Variants in NLGN4X observed in about 807,000 individuals in gnomAD.
NLGN4X encodes the protein neuroligin-4, X-linked.
A neutral mutation model predicts 40.3 loss-of-function variants in NLGN4X; 3 were observed. The ratio of observed to expected loss-of-function variants is 0.07; its 90% CI spans 0.03 to 0.19. The LOEUF is 0.19. Among genes scored for constraint, NLGN4X ranks in the 10% least tolerant of loss-of-function variants. The pLI is 1.00. For missense variants in NLGN4X, 382 were observed against 708.3 expected (o/e 0.54, Z 5.23); for synonymous variants, 270 against 306.8 (o/e 0.88, Z 1.25).
At chrX:6,102,716 T>C (rs916433596) in intron 2 of NLGN4X, among the ~76,000 whole-genome samples, 2 of 110,479 alleles carry the variant, frequency 1.8e-5, no homozygotes, top group Admixed American at 1.9e-4. Flanking sequence ...TAGATACATA[T>C]AGATAAGATA....
Position 5,908,719 on chromosome X carries a change from G to C in NLGN4X, c.811+335C>G, listed in dbSNP as rs141400560. Reference sequence around the variant, plus strand: ...AGTCCTGGAGTTTGAGACCAGCCCAGGCAAACATAGCAAGACCACTTCTCT... The same window carrying C: ...AGTCCTGGAGTTTGAGACCAGCCCACGCAAACATAGCAAGACCACTTCTCT... On this transcript the variant is annotated intron_variant, in intron 4 of 5. Transcript: ENST00000381095. Among the ~76,000 whole-genome samples, 129 of 111,502 alleles carry C rather than the reference G, an allele frequency of 1.2e-3. 1 individual carries two copies. The highest frequency in any genetic ancestry group is 4.6e-3 in the Middle Eastern group (1 of 216).
intron 3 of NLGN4X, among the ~76,000 whole-genome samples, chrX:5,957,204 G>A (rs1202072722): frequency 9.0e-6 from 1 of 111,578 alleles, no homozygotes; most frequent in African/African-American, 3.3e-5. Flanking sequence ...AGAATAACCT[G>A]CATTACGTGC....
At chrX:6,182,910 T>C (rs1176945038) in intron 1 of NLGN4X, among the ~76,000 whole-genome samples, 2 of 111,984 alleles carry the variant, frequency 1.8e-5, no homozygotes, top group African/African-American at 3.3e-5. Context: ...ACCATTAAGT[T>C]TGTGATTATG....
intron 3 of NLGN4X, among the ~76,000 whole-genome samples, chrX:5,932,868 C>T (rs1329497844): frequency 9.0e-6 from 1 of 110,873 alleles, no homozygotes; most frequent in African/African-American, 3.3e-5. Flanking sequence ...ACAAAAAGAA[C>T]AAAAACCTTA....
intron 1 of NLGN4X, among the ~76,000 whole-genome samples, chrX:6,220,015 T>A (rs745422992): frequency 9.0e-6 from 1 of 111,491 alleles, no homozygotes; most frequent in Non-Finnish European, 1.9e-5. Flanking sequence ...TGAGCTTTTT[T>A]TTTTTTTATG....
At position 5,893,178 on chromosome X, in the gene NLGN4X, T is replaced by C. The variant is rs2031288638; in HGVS notation, c.2090A>G (p.Tyr697Cys). The change falls in exon 6 of 6, where the codon TAC (tyrosine) becomes TGC (cysteine). Residue 697 changes from tyrosine (Y) to cysteine (C), a missense_variant. By Grantham distance (194) the Tyr-to-Cys change is radical. This residue lies in a region of NLGN4X where 149 missense variants were observed against 375.8 expected (regional missense o/e 0.40). Coordinates refer to ENST00000381095, the MANE Select transcript of NLGN4X (RefSeq NM_181332.3). Reference protein sequence around the residue: ...FLNILAFAALYYKKDKRRHET... With the variant: ...FLNILAFAALCYKKDKRRHET... ...ATGGCGCCTCTTGTCCTTTTTGTAG[T>C]ACAGCGCCGCAAAAGCTAAGATGTT... is the stretch of plus-strand genomic sequence containing the variant. 1 of 1,211,632 alleles carries C rather than the reference T, an allele frequency of 8.3e-7. No individual in the cohort carries two copies. Among genetic ancestry groups the C allele is most frequent in the Non-Finnish European group, 1.1e-6 (1 of 895,423 alleles).
chrX:6,139,492 G>A (rs755142972), intron 2 of NLGN4X, among the ~76,000 whole-genome samples: 52 of 111,704 alleles, frequency 4.7e-4, no homozygotes, highest in African/African-American at 1.6e-3. Flanking sequence ...TTATGTCTCC[G>A]TGCAGCTAAA....
chrX:6,077,588 C>T (rs763416767), intron 2 of NLGN4X, among the ~76,000 whole-genome samples: 154 of 111,026 alleles, frequency 1.4e-3, no homozygotes, highest in African/African-American at 4.9e-3. Context: ...CATGCCCAGC[C>T]TAAAATTTCA....
intron 1 of NLGN4X, among the ~76,000 whole-genome samples, chrX:6,213,022 G>A (rs1280901018): frequency 9.0e-6 from 1 of 111,118 alleles, no homozygotes; most frequent in African/African-American, 3.3e-5. Flanking sequence ...GCTTAATTCT[G>A]CCTCTTCTCC....
At chrX:5,976,327 A>G (rs191928969) in intron 3 of NLGN4X, among the ~76,000 whole-genome samples, 1 of 112,400 alleles carries the variant, frequency 8.9e-6, no homozygotes, top group African/African-American at 3.2e-5. Flanking sequence ...AATTTCCAGA[A>G]GGCTAGGGAA....
intron 3 of NLGN4X, among the ~76,000 whole-genome samples, chrX:5,987,067 A>G (rs1360803857): frequency 1.8e-5 from 2 of 111,980 alleles, no homozygotes; most frequent in East Asian, 2.8e-4. Flanking sequence ...ACTCAAAATA[A>G]TAACCATATC....
chrX:6,104,969 T>C lies in NLGN4X; in HGVS notation c.472+46026A>G, dbSNP rs955392868. On this transcript the variant is annotated intron_variant, in intron 2 of 5. Coordinates refer to ENST00000381095, the MANE Select transcript of NLGN4X (RefSeq NM_181332.3). ...AACTATGCTGCGTAAACTGTTATCATAATTCAGATACTGGGACGGTAACTG... is the reference window on the plus strand; with the variant it reads ...AACTATGCTGCGTAAACTGTTATCACAATTCAGATACTGGGACGGTAACTG... 1.6e-4 allele frequency among the ~76,000 whole-genome samples: 18 copies of C among 111,910 alleles called. No individual in the cohort carries two copies. In the Admixed American group the frequency reaches 1.6e-3, roughly 10 times the overall value.
intron 2 of NLGN4X, among the ~76,000 whole-genome samples, chrX:6,144,966 T>C: frequency 9.0e-6 from 1 of 111,014 alleles, no homozygotes; most frequent in East Asian, 2.9e-4. Flanking sequence ...GACCATGACT[T>C]TTCTGCCTAC....
intron 1 of NLGN4X, among the ~76,000 whole-genome samples, chrX:6,223,555 C>G (rs1189762165): frequency 2.7e-5 from 3 of 111,944 alleles, no homozygotes; most frequent in African/African-American, 9.7e-5. Context: ...TACTGTGCTC[C>G]AAGAAAAATG....
intron 1 of NLGN4X, among the ~76,000 whole-genome samples, chrX:6,189,900 G>A (rs753328463): frequency 2.7e-5 from 3 of 110,319 alleles, no homozygotes; most frequent in Non-Finnish European, 5.7e-5. Context: ...AAAGAAAGTC[G>A]TGTAATTCAG....
At position 6,228,545 on chromosome X, in the gene NLGN4X, G is replaced by C. The variant is rs766386666; in HGVS notation, c.-310C>G. On this transcript the variant is annotated 5_prime_UTR_variant, in exon 1 of 6. Coordinates refer to ENST00000381095, the MANE Select transcript of NLGN4X (RefSeq NM_181332.3). Reference sequence around the variant, plus strand: ...AGGTCTTAAAACTGCACCTACCTTAGCTTTGGAAGAGCTGCATCGGCCGTT... The same window carrying C: ...AGGTCTTAAAACTGCACCTACCTTACCTTTGGAAGAGCTGCATCGGCCGTT... 1.8e-5 allele frequency: 2 copies of C among 111,699 alleles called. No individual in the cohort carries two copies. The highest frequency in any genetic ancestry group is 2.8e-4 in the East Asian group (1 of 3,557). 9.2% of individuals were successfully genotyped at this position (111,699 alleles called of 1,213,427 possible).
chrX:6,057,792 AC>A (rs2037669321), intron 2 of NLGN4X, among the ~76,000 whole-genome samples: 1 of 111,772 alleles, frequency 8.9e-6, no homozygotes, highest in Non-Finnish European at 1.9e-5. Context: ...CTAGAAATAG[AC>A]CATAAAAAAG....
intron 2 of NLGN4X, among the ~76,000 whole-genome samples, chrX:6,043,166 C>CAT (rs772266111): frequency 9.4e-6 from 1 of 106,589 alleles, no homozygotes; most frequent in Non-Finnish European, 1.9e-5. Flanking sequence ...CACAAACACA[C>CAT]GTATATATAT....
At chrX:6,204,604 C>T (rs911757577) in intron 1 of NLGN4X, among the ~76,000 whole-genome samples, 6 of 111,583 alleles carry the variant, frequency 5.4e-5, no homozygotes, top group Non-Finnish European at 9.4e-5. Flanking sequence ...CATGTGTGCA[C>T]ATGTAACCCA....
Sources: gnomAD v4.1 joint callset for allele counts (sites outside exome capture counted in the v4.1 genomes callset) on GRCh38, gnomAD v4.1.1 for gene constraint, gnomAD v4.1.1 regional missense constraint, MANE v1.5 for transcripts, NCBI Gene and HGNC (gene_info 2026-07-23, HGNC 2026-07-21) for gene names.